The following HRH1 variants were observed in gnomAD, a reference collection of about 807,000 sequenced individuals.
HRH1 encodes the protein histamine receptor H1, also known as histamine H1 receptor.
A neutral mutation model predicts 10.3 loss-of-function variants in HRH1; 6 were observed. The observed-to-expected ratio is 0.58, with a 90% CI of 0.32 to 1.15. HRH1 has a LOEUF of 1.15. Ranked by LOEUF, HRH1 falls within the 50% of genes most tolerant of loss-of-function variation. HRH1 has a pLI of 0.05. For missense variants in HRH1, 514 were observed against 615.3 expected, an observed-to-expected ratio of 0.84 and a Z score of 1.74; for synonymous variants, 242 against 236.7, an observed-to-expected ratio of 1.02 and a Z score of -0.21.
intron 1 of HRH1, among the ~76,000 whole-genome samples, chr3:11,194,804 G>A (rs1259718736): frequency 2.0e-5 from 3 of 152,152 alleles, no homozygotes; most frequent in Admixed American, 6.5e-5. Flanking sequence ...GACAGAGCGC[G>A]ACTCTGTCTC....
In HRH1 at chr3:11,171,158, C is replaced by T. The variant is rs1937143999; in HGVS notation, c.-36+16604C>T. ...TTTTGAGACAGTCTCACTCTGTTGC[C>T]CAGGCTGCAGTGCAGTGGCACAATC... On this transcript the variant is annotated intron_variant, in intron 1 of 1. Coordinates refer to ENST00000431010, the MANE Select transcript of HRH1 (RefSeq NM_001098212.2). 4.1e-5 allele frequency among the ~76,000 whole-genome samples: 6 copies of T among 147,830 alleles called. No homozygotes were observed. The South Asian group carries it at 1.3e-3, about 31-fold the overall frequency.
rs373410204 is a variant in HRH1, at chr3:11,239,419, T to C, written c.-35-19584T>C. 5.9e-5 allele frequency among the ~76,000 whole-genome samples: 9 copies of C among 152,348 alleles called. No individual in the cohort carries two copies. The South Asian group carries it at 1.9e-3, about 32-fold the overall frequency. ...TTGTGTATTTTGGATACATCAGATA[T>C]ATGATATATCAGATATATGACCTAT... On this transcript the variant is annotated intron_variant, in intron 1 of 1. Transcript: ENST00000431010.
At chr3:11,218,030 A>T (rs1352645388) in intron 1 of HRH1, among the ~76,000 whole-genome samples, 1 of 152,252 alleles carries the variant, frequency 6.6e-6, no homozygotes, top group Non-Finnish European at 1.5e-5. Flanking sequence ...GATTCTTTCA[A>T]GGAAAAAGTA....
intron 1 of HRH1, among the ~76,000 whole-genome samples, chr3:11,138,464 G>A (rs1170851565): frequency 6.6e-6 from 1 of 152,110 alleles, no homozygotes; most frequent in African/African-American, 2.4e-5. Flanking sequence ...TCACTAGGAG[G>A]GCTATAAGAA....
At chr3:11,240,513 T>C (rs1939304648) in intron 1 of HRH1, among the ~76,000 whole-genome samples, 1 of 151,996 alleles carries the variant, frequency 6.6e-6, no homozygotes, top group Non-Finnish European at 1.5e-5. Flanking sequence ...CCTCTGTTCT[T>C]AGTAGCTTTT....
chr3:11,168,923 A>C (rs1937101302), intron 1 of HRH1, among the ~76,000 whole-genome samples: 1 of 152,186 alleles, frequency 6.6e-6, no homozygotes, highest in Non-Finnish European at 1.5e-5. Flanking sequence ...CAACTTATTT[A>C]AATCCCCATA....
chr3:11,181,055 G>A (rs982996894), intron 1 of HRH1, among the ~76,000 whole-genome samples: 1 of 151,856 alleles, frequency 6.6e-6, no homozygotes, highest in Non-Finnish European at 1.5e-5. Context: ...GGCTGAGGCA[G>A]GAGGATAGCT....
At chr3:11,144,072 A>G (rs1660580358) in intron 1 of HRH1, among the ~76,000 whole-genome samples, 1 of 152,148 alleles carries the variant, frequency 6.6e-6, no homozygotes, top group African/African-American at 2.4e-5. Flanking sequence ...AGGGATGCAG[A>G]AAAAGGGGAC....
At chr3:11,235,521 G>T (rs1939157514) in intron 1 of HRH1, among the ~76,000 whole-genome samples, 1 of 152,112 alleles carries the variant, frequency 6.6e-6, no homozygotes, top group Non-Finnish European at 1.5e-5. Context: ...TCCCCACTAG[G>T]CCTCTGCAGA....
Position 11,260,277 on chromosome 3 carries a change from G to A in HRH1, c.1240G>A (p.Ala414Thr), listed in dbSNP as rs768357865. 7 of 1,614,038 alleles carry A rather than the reference G, an allele frequency of 4.3e-6. No homozygotes were observed. The highest frequency in any genetic ancestry group is 1.3e-5 in the African/African-American group (1 of 74,926). ...GCACATGAACCGCGAAAGGAAGGCC[G>A]CCAAACAGTTGGGTTTTATCATGGC... ...GLHMNRERKA[A>T]KQLGFIMAAF... is the part of the protein sequence containing the mutation. Residue 414 changes from alanine to threonine, a missense_variant, in exon 2 of 2, where the codon GCC becomes ACC. Transcript: ENST00000431010.
At chr3:11,172,127 G>A (rs759035763) in intron 1 of HRH1, among the ~76,000 whole-genome samples, 5 of 152,232 alleles carry the variant, frequency 3.3e-5, no homozygotes, top group African/African-American at 4.8e-5. Context: ...TTGAAAACCA[G>A]GCCAAGTGTT....
At chr3:11,137,837 A>T (rs1261487577) in intron 1 of HRH1, among the ~76,000 whole-genome samples, 1 of 152,104 alleles carries the variant, frequency 6.6e-6, no homozygotes, top group African/African-American at 2.4e-5. Context: ...GAGGCCACTG[A>T]TACACTTTCT....
chr3:11,137,752 G>A (rs1049114097), intron 1 of HRH1, among the ~76,000 whole-genome samples: 1 of 152,136 alleles, frequency 6.6e-6, no homozygotes, highest in South Asian at 2.1e-4. Flanking sequence ...GTTATCTTCA[G>A]ATTCACATCC....
rs150879939 is a variant in HRH1, at chr3:11,195,581, A to G, written c.-36+41027A>G. On this transcript the variant is annotated intron_variant, in intron 1 of 1. Coordinates refer to ENST00000431010, the MANE Select transcript of HRH1 (RefSeq NM_001098212.2). The stretch of plus-strand genomic sequence containing the variant: ...AGAACCAAGTGACTCTCATGACAGT[A>G]TTGGATGAAATGAGCTATCTGGATA... Among the ~76,000 whole-genome samples the G allele has an allele frequency of 4.1e-3, 626 of 152,310 alleles. 7 individuals carry two copies. The highest frequency in any genetic ancestry group is 0.02 in the Middle Eastern group (6 of 294).
intron 1 of HRH1, among the ~76,000 whole-genome samples, chr3:11,158,357 C>A (rs1329489328): frequency 6.6e-6 from 1 of 152,220 alleles, no homozygotes; most frequent in Admixed American, 6.5e-5. Flanking sequence ...TGACTTCTAA[C>A]AAGTAGGCAG....
At chr3:11,162,948 T>G (rs1446495286) in intron 1 of HRH1, among the ~76,000 whole-genome samples, 2 of 152,218 alleles carry the variant, frequency 1.3e-5, no homozygotes, top group African/African-American at 4.8e-5. Flanking sequence ...CCACCACATC[T>G]GCACATCTTA....
chr3:11,182,441 T>A (rs939231985), intron 1 of HRH1, among the ~76,000 whole-genome samples: 2 of 152,176 alleles, frequency 1.3e-5, no homozygotes, highest in Non-Finnish European at 2.9e-5. Flanking sequence ...AATAGAACAT[T>A]CTTTTAATTC....
chr3:11,207,380 C>T (rs745535042), intron 1 of HRH1, among the ~76,000 whole-genome samples: 14 of 151,766 alleles, frequency 9.2e-5, no homozygotes, highest in African/African-American at 2.7e-4. Context: ...CTGGCTAACA[C>T]GGTGAAACCC....
chr3:11,242,914 C>CTTT (rs113202543), intron 1 of HRH1, among the ~76,000 whole-genome samples: 2 of 149,154 alleles, frequency 1.3e-5, no homozygotes, highest in South Asian at 4.3e-4. Context: ...TTGGGTCTCT[C>CTTT]TTTTTTTTTT....
Sources: allele counts gnomAD v4.1 joint callset (sites outside exome capture counted in the v4.1 genomes callset), GRCh38; gene constraint gnomAD v4.1.1; transcripts MANE v1.5; gene names NCBI Gene and HGNC (gene_info 2026-07-23, HGNC 2026-07-21).